The following GPR39 variants were observed in gnomAD, a reference collection of about 807,000 sequenced individuals.
GPR39 encodes G protein-coupled receptor 39.
A neutral mutation model predicts 18.4 loss-of-function variants in GPR39; 23 were observed. The ratio of observed to expected loss-of-function variants is 1.25; its 90% CI spans 0.90 to 1.77. The LOEUF is 1.77. GPR39 is among the 40% of genes most tolerant of loss of function. The probability of loss-of-function intolerance (pLI) is 0.00; values close to 1 mark genes in which losing one functional copy is unlikely to be tolerated. For synonymous variants in GPR39, 280 were observed against 257.9 expected, an observed-to-expected ratio of 1.09 and a Z score of -0.82; for missense variants, 647 against 602.4, an observed-to-expected ratio of 1.07 and a Z score of -0.78.
At chr2:132,471,032 TG>T (rs1681021259) in intron 1 of GPR39, among the ~76,000 whole-genome samples, 2 of 152,346 alleles carry the variant, frequency 1.3e-5, no homozygotes, top group South Asian at 4.1e-4. Context: ...AGTACCCATG[TG>T]GATATCTTGC....
chr2:132,430,322 G>A (rs1431276410), intron 1 of GPR39, among the ~76,000 whole-genome samples: 1 of 152,212 alleles, frequency 6.6e-6, no homozygotes, highest in East Asian at 1.9e-4. Context: ...TGACTCCAAT[G>A]TGTAGCCAGG....
intron 1 of GPR39, among the ~76,000 whole-genome samples, chr2:132,471,598 A>C (rs538503167): frequency 6.6e-6 from 1 of 151,460 alleles, no homozygotes; most frequent in East Asian, 2.0e-4. Context: ...CATGTCAGCC[A>C]CTGGTTTATC....
At chr2:132,455,097 A>G (rs10208201) in intron 1 of GPR39, among the ~76,000 whole-genome samples, 76,199 of 151,986 alleles carry the variant, frequency 0.5, 20,866 homozygotes, top group Non-Finnish European at 0.62. Context: ...TTCGGCTGTG[A>G]ACCTGTCTGG....
At chr2:132,609,214 A>G (rs1441593972) in intron 1 of GPR39, among the ~76,000 whole-genome samples, 1 of 152,150 alleles carries the variant, frequency 6.6e-6, no homozygotes, top group African/African-American at 2.4e-5. Flanking sequence ...ATGGGGATGG[A>G]AAGGAAGAGG....
intron 1 of GPR39, among the ~76,000 whole-genome samples, chr2:132,625,897 C>G (rs971227745): frequency 6.6e-6 from 1 of 152,020 alleles, no homozygotes; most frequent in Non-Finnish European, 1.5e-5. Flanking sequence ...GTTGGGAGAT[C>G]GAGACCATCC....
chr2:132,447,638 TTAAC>T (rs1680560769), intron 1 of GPR39, among the ~76,000 whole-genome samples: 1 of 152,198 alleles, frequency 6.6e-6, no homozygotes, highest in African/African-American at 2.4e-5. Flanking sequence ...TTTTGGAGCC[TTAAC>T]TAAGAACATT....
At chr2:132,620,603 G>C (rs1681424867) in intron 1 of GPR39, among the ~76,000 whole-genome samples, 2 of 152,184 alleles carry the variant, frequency 1.3e-5, no homozygotes, top group Admixed American at 1.3e-4. Context: ...GAGGAGTCCT[G>C]TGTCTACAAG....
intron 1 of GPR39, among the ~76,000 whole-genome samples, chr2:132,467,413 G>A (rs996090954): frequency 6.6e-6 from 1 of 152,174 alleles, no homozygotes; most frequent in Admixed American, 6.5e-5. Flanking sequence ...CTACTAGAGA[G>A]GGAGGGTCAG....
chr2:132,472,177 G>A (rs1681044310), intron 1 of GPR39, among the ~76,000 whole-genome samples: 1 of 152,170 alleles, frequency 6.6e-6, no homozygotes, highest in Non-Finnish European at 1.5e-5. Flanking sequence ...GAAGAGAGAT[G>A]CCAGCTGACA....
At chr2:132,569,867 C>T (rs1256919473) in intron 1 of GPR39, among the ~76,000 whole-genome samples, 1 of 152,120 alleles carries the variant, frequency 6.6e-6, no homozygotes, top group Non-Finnish European at 1.5e-5. Context: ...CTGCACAAGC[C>T]CTCTTCTCTT....
intron 1 of GPR39, among the ~76,000 whole-genome samples, chr2:132,498,946 A>G (rs2104801817): frequency 6.6e-6 from 1 of 152,188 alleles, no homozygotes; most frequent in Middle Eastern, 3.4e-3. Context: ...AGTTCTCTAT[A>G]GATTCTGGAT....
intron 1 of GPR39, among the ~76,000 whole-genome samples, chr2:132,570,149 A>G (rs1308178654): frequency 6.6e-6 from 1 of 151,976 alleles, no homozygotes; most frequent in African/African-American, 2.4e-5. Flanking sequence ...CTCCCCACCC[A>G]GCTGATTTTC....
chr2:132,467,797 C>G (rs1254545078), intron 1 of GPR39, among the ~76,000 whole-genome samples: 1 of 152,076 alleles, frequency 6.6e-6, no homozygotes, highest in Non-Finnish European at 1.5e-5. Flanking sequence ...CTGGAGGAAG[C>G]CAGAATGAAA....
At chr2:132,482,608 G>A (rs897843922) in intron 1 of GPR39, among the ~76,000 whole-genome samples, 4 of 152,106 alleles carry the variant, frequency 2.6e-5, no homozygotes, top group Non-Finnish European at 5.9e-5. Flanking sequence ...CTGGAGGGGA[G>A]GAATTGTGGC....
At chr2:132,620,209 A>G (rs1573702316) in intron 1 of GPR39, among the ~76,000 whole-genome samples, 1 of 152,260 alleles carries the variant, frequency 6.6e-6, no homozygotes, top group East Asian at 1.9e-4. Context: ...GAAAGTTGAT[A>G]AATACCCAGG....
intron 1 of GPR39, among the ~76,000 whole-genome samples, chr2:132,476,809 G>A (rs572961113): frequency 2.0e-5 from 3 of 152,216 alleles, no homozygotes; most frequent in Admixed American, 6.5e-5. Context: ...TCCATTTCTC[G>A]GCTCTGTAGG....
chr2:132,640,180 G>GAGC (rs1390843674), intron 1 of GPR39, among the ~76,000 whole-genome samples: 1 of 152,168 alleles, frequency 6.6e-6, no homozygotes, highest in Non-Finnish European at 1.5e-5. Context: ...GGAGAAAATA[G>GAGC]AGCATGGTGT....
intron 1 of GPR39, among the ~76,000 whole-genome samples, chr2:132,445,562 A>T (rs1441918931): frequency 3.3e-5 from 5 of 152,244 alleles, no homozygotes; most frequent in Non-Finnish European, 5.9e-5. Flanking sequence ...TAATTGATGT[A>T]TATAGGACAT....
At chr2:132,554,025 G>A (rs990355978) in intron 1 of GPR39, among the ~76,000 whole-genome samples, 17 of 152,214 alleles carry the variant, frequency 1.1e-4, no homozygotes, top group Non-Finnish European at 1.9e-4. Flanking sequence ...TGAGGCTGCT[G>A]TAGCCTCTAC....
Sources: gnomAD v4.1 joint callset for allele counts (sites outside exome capture counted in the v4.1 genomes callset) on GRCh38, gnomAD v4.1.1 for gene constraint, MANE v1.5 for transcripts, NCBI Gene and HGNC (gene_info 2026-07-23, HGNC 2026-07-21) for gene names.